Variants in XAB2 observed in about 807,000 individuals in gnomAD.
XAB2 encodes pre-mRNA-splicing factor SYF1.
XAB2 carries 57 observed loss-of-function variants against 113.4 expected under a neutral mutation model. That is an observed-to-expected ratio of 0.50 (90% CI 0.41 to 0.63). The LOEUF is 0.63. XAB2 is among the 20% of genes least tolerant of loss of function. The pLI is 0.00. For synonymous variants in XAB2, 497 were observed against 498.8 expected (o/e 1.00, Z 0.05); for missense variants, 1,037 against 1,233.3 (o/e 0.84, Z 2.38).
At chr19:7,620,111 G>T in intron 16 of XAB2, 36 bp from the exon 17 acceptor site, 1 of 1,604,328 alleles carries the variant, frequency 6.2e-7, no homozygotes, top group East Asian at 2.2e-5. Flanking sequence ...CGCCACGGGG[G>T]CCCCTCCCAC....
Position 7,623,026 on chromosome 19 carries a change from G to A in XAB2, c.1240-133C>T. On this transcript the variant is annotated intron_variant, in intron 9 of 18. Coordinates refer to ENST00000358368, the MANE Select transcript of XAB2 (RefSeq NM_020196.3). The surrounding 1 kb of genome is among the most constrained non-coding windows in gnomAD (Gnocchi z 4.6). Reference sequence around the variant, plus strand: ...CAGGCACACACACAGGCACACACATGCGTGCACATATGCATGCACCCAAAT... The same window carrying A: ...CAGGCACACACACAGGCACACACATACGTGCACATATGCATGCACCCAAAT... 2 of 1,538,578 alleles carry A rather than the reference G, an allele frequency of 1.3e-6. No individual in the cohort carries two copies. Among genetic ancestry groups the A allele is most frequent in the Non-Finnish European group, 1.8e-6 (2 of 1,142,810 alleles).
At position 7,627,660 on chromosome 19, in the gene XAB2, T is replaced by TCCCCCC; in HGVS notation, c.324+67_324+68insGGGGGG. ...CCTAACATGCTGAGCCCAGCCCCTGTCCCCGCCCCACCCACCACCATGGAC... is the reference window on the plus strand; with the variant it reads ...CCTAACATGCTGAGCCCAGCCCCTGTCCCCCCCCCCGCCCCACCCACCACCATGGAC... On this transcript the variant is annotated intron_variant, in intron 3 of 18. Transcript: ENST00000358368. This position sits in a 1 kb window ranked among gnomAD's most constrained non-coding sequence, Gnocchi z 4.5. 1.9e-6 allele frequency: 3 copies of TCCCCCC among 1,572,298 alleles called. No individual in the cohort carries two copies. The highest frequency in any genetic ancestry group is 2.6e-6 in the Non-Finnish European group (3 of 1,148,006).
chr19:7,621,096 C>CCCCCCCCCCCCCCCCCCCCCT, intron 13 of XAB2, 39 bp downstream of exon 13: 2 of 818,938 alleles, frequency 2.4e-6, no homozygotes, highest in Non-Finnish European at 3.5e-6. Context: ...AGAAACCCAG[C>CCCCCCCCCCCCCCCCCCCCCT]CCGCCCGCCA....
chr19:7,623,906 CA>C lies in XAB2; in HGVS notation c.968-25del, dbSNP rs751344525. On this transcript the variant is annotated intron_variant, in intron 7 of 18. Coordinates refer to ENST00000358368, the MANE Select transcript of XAB2 (RefSeq NM_020196.3). This position sits in a 1 kb window ranked among gnomAD's most constrained non-coding sequence, Gnocchi z 4.6. ...ATCTGGGAGCCGCGAACATGTTTGT[CA>C]GGGGCGGAGACCCAGGATGCAGGTC... is the stretch of plus-strand genomic sequence containing the variant. 10 of 1,531,718 alleles carry C rather than the reference CA, an allele frequency of 6.5e-6. No homozygotes were observed. Among genetic ancestry groups the C allele is most frequent in the East Asian group, 2.4e-5 (1 of 41,472 alleles). 94.9% of individuals were successfully genotyped at this position (1,531,718 alleles called of 1,614,324 possible).
chr19:7,622,789 GT>G lies in XAB2; in HGVS notation c.1343del (p.Asn448ThrfsTer37). Reference protein sequence around the residue: ...QCGELELRHENYDEALRLLRK... With the variant: ...QCGELELRHEXYDEALRLLRK... ...GCAGCAGCCGCAAGGCCTCATCGTA[GT>G]TCTCGTGTCGGAGCTCCAGCTCTCC... On this transcript the variant is annotated frameshift_variant, in exon 10 of 19. Transcript: ENST00000358368. LOFTEE classifies it high-confidence loss of function. 2 of 1,614,126 alleles carry G rather than the reference GT, an allele frequency of 1.2e-6. No individual in the cohort carries two copies. Among genetic ancestry groups the G allele is most frequent in the Non-Finnish European group, 1.7e-6 (2 of 1,180,032 alleles).
rs569545527 is a variant in XAB2 at position 7,625,548 on chromosome 19, A to G, written c.822+332T>C. ...GGCTGGACTTCCGTGGCGCGATCGC[A>G]GCTCACGGCAACCTCCACCTCCCAA... On this transcript the variant is annotated intron_variant, in intron 6 of 18. Transcript: ENST00000358368. This position sits in a 1 kb window ranked among gnomAD's most constrained non-coding sequence, Gnocchi z 5.2. 7.1e-6 allele frequency among the ~76,000 whole-genome samples: 1 copy of G among 141,414 alleles called. No homozygotes were observed. The highest frequency in any genetic ancestry group is 2.1e-4 in the East Asian group (1 of 4,834). 92.8% of individuals were successfully genotyped at this position (141,414 alleles called of 152,430 possible).
rs1168488161 is a variant in XAB2 at position 7,623,892 on chromosome 19, G to C, written c.968-10C>G. On this transcript the variant is annotated splice_polypyrimidine_tract_variant and intron_variant, in intron 7 of 18. Coordinates refer to ENST00000358368, the MANE Select transcript of XAB2 (RefSeq NM_020196.3). This position sits in a 1 kb window ranked among gnomAD's most constrained non-coding sequence, Gnocchi z 4.6. ...TCCAGGTCCACATCATCTGGGAGCC[G>C]CGAACATGTTTGTCAGGGGCGGAGA... 2 of 1,554,230 alleles carry C rather than the reference G, an allele frequency of 1.3e-6. No individual in the cohort carries two copies. Among genetic ancestry groups the C allele is most frequent in the Non-Finnish European group, 1.7e-6 (2 of 1,153,660 alleles).
rs962714940 is a variant in XAB2 at position 7,629,446 on chromosome 19, C to T, written c.51+31G>A. The stretch of plus-strand genomic sequence containing the variant: ...GCGTCCAGGTCCCAATGCCCCAACG[C>T]AGGCCACCCCCGGCTCCTCTGTGGA... On this transcript the variant is annotated intron_variant, in intron 1 of 18. Coordinates refer to ENST00000358368, the MANE Select transcript of XAB2 (RefSeq NM_020196.3). 3.2e-6 allele frequency: 5 copies of T among 1,577,660 alleles called. No homozygotes were observed. In the African/African-American group the frequency reaches 4.0e-5, roughly 13 times the overall value.
chr19:7,622,545 G>A lies in XAB2; in HGVS notation c.1488C>T (p.Ser496=). ...VWSMLADLEE[S]LGTFQSTKAV... ...GGCAGCTCACCTGGAAGGTGCCGAG[G>A]CTCTCCTCCAGGTCGGCGAGCATGG... Residue 496 remains serine (S), a synonymous_variant, in exon 11 of 19, where the codon AGC becomes AGT. Transcript: ENST00000358368. The A allele has an allele frequency of 1.9e-6, 3 of 1,613,776 alleles. No homozygotes were observed. The highest frequency in any genetic ancestry group is 2.5e-6 in the Non-Finnish European group (3 of 1,180,030).
At chr19:7,622,683 G>T in intron 10 of XAB2, 22 bp from the exon 11 acceptor site, 2 of 1,611,918 alleles carry the variant, frequency 1.2e-6, no homozygotes, top group Non-Finnish European at 1.7e-6. Context: ...GACAGTGGCC[G>T]GGGAGGCGCT....
chr19:7,620,721 C>A (rs780337849), intron 14 of XAB2, 52 bp from the exon 15 acceptor site: 1 of 1,604,112 alleles, frequency 6.2e-7, no homozygotes, highest in Non-Finnish European at 8.5e-7. Flanking sequence ...AGCTCGGGGG[C>A]TCCCAACACA....
intron 12 of XAB2, chr19:7,621,641 A>G: frequency 2.9e-6 from 1 of 348,284 alleles, no homozygotes; most frequent in South Asian, 4.6e-5. Flanking sequence ...GGCAGGCAGT[A>G]GCACGCGTAT....
intron 9 of XAB2, 64 bp from the exon 10 acceptor site, chr19:7,622,957 G>A: frequency 6.3e-7 from 1 of 1,586,784 alleles, no homozygotes; most frequent in Non-Finnish European, 8.6e-7. Context: ...ACCATCAAGG[G>A]TCAGAAAGGT....
Position 7,628,603 on chromosome 19 carries a change from G to A in XAB2, c.52-305C>T, listed in dbSNP as rs548730465. ...CACCACTCGCTTTCTGCCCCAGATG[G>A]TCAGACTCCTTAGATACCAAGGCCC... On this transcript the variant is annotated intron_variant, in intron 1 of 18. Coordinates refer to ENST00000358368, the MANE Select transcript of XAB2 (RefSeq NM_020196.3). This position sits in a 1 kb window ranked among gnomAD's most constrained non-coding sequence, Gnocchi z 4.6. 6.6e-6 allele frequency among the ~76,000 whole-genome samples: 1 copy of A among 152,138 alleles called. No homozygotes were observed. Among genetic ancestry groups the A allele is most frequent in the Non-Finnish European group, 1.5e-5 (1 of 68,034 alleles).
chr19:7,619,628 C>A lies in XAB2; in HGVS notation c.2526G>T (p.Gln842His). 6.2e-7 allele frequency: 1 copy of A among 1,603,966 alleles called. No individual in the cohort carries two copies. Among genetic ancestry groups the A allele is most frequent in the Non-Finnish European group, 8.5e-7 (1 of 1,174,878 alleles). ...TCCCAAACACTGCGGCTGGCACGCTCTGCTGCTCCAGCCGAACCTCTGTGG... is the reference window on the plus strand; with the variant it reads ...TCCCAAACACTGCGGCTGGCACGCTATGCTGCTCCAGCCGAACCTCTGTGG... ...LEPNEVRLEQ[Q>H]SVPAAVFGSL... The change falls in exon 19 of 19, where the codon CAG becomes CAT. Residue 842 changes from glutamine to histidine, a missense_variant. Gln to His is a conservative substitution (Grantham distance 24, BLOSUM62 0). Coordinates refer to ENST00000358368, the MANE Select transcript of XAB2 (RefSeq NM_020196.3).
Position 7,621,095 on chromosome 19 carries a change from G to GAC in XAB2, c.1780+39_1780+40insGT. Reference sequence around the variant, plus strand: ...TCAGCCGGGGCCAGTCAGAAACCCAGCCCGCCCGCCACCCCCCCCATGCCC... The same window carrying GAC: ...TCAGCCGGGGCCAGTCAGAAACCCAGACCCCGCCCGCCACCCCCCCCATGCCC... On this transcript the variant is annotated intron_variant, in intron 13 of 18. Transcript: ENST00000358368. 6.7e-6 allele frequency: 10 copies of GAC among 1,486,318 alleles called. No homozygotes were observed. In the South Asian group the frequency reaches 7.5e-5, roughly 11 times the overall value. 92.1% of individuals were successfully genotyped at this position (1,486,318 alleles called of 1,614,324 possible). A position where few individuals can be genotyped will look rare whatever the true frequency, so the allele number is the denominator to read the frequency against.
In XAB2 at chr19:7,624,472, G is replaced by T. The variant is rs373759660; in HGVS notation, c.823-27C>A. 5.0e-6 allele frequency: 8 copies of T among 1,613,490 alleles called. No homozygotes were observed. Among genetic ancestry groups the T allele is most frequent in the Non-Finnish European group, 6.8e-6 (8 of 1,179,950 alleles). On this transcript the variant is annotated intron_variant, in intron 6 of 18. Coordinates refer to ENST00000358368, the MANE Select transcript of XAB2 (RefSeq NM_020196.3). This position sits in a 1 kb window ranked among gnomAD's most constrained non-coding sequence, Gnocchi z 4.2. ...TGTGGGGACCCAGGGAAGGGGAGGTGAGAGGAAAGTGGCGCAGGGGACAGG... is the reference window on the plus strand; with the variant it reads ...TGTGGGGACCCAGGGAAGGGGAGGTTAGAGGAAAGTGGCGCAGGGGACAGG...
Position 7,623,713 on chromosome 19 carries a change from G to C in XAB2, c.1119+18C>G. 6.3e-7 allele frequency: 1 copy of C among 1,578,760 alleles called. No individual in the cohort carries two copies. Among genetic ancestry groups the C allele is most frequent in the South Asian group, 1.1e-5 (1 of 87,028 alleles). ...GAAACTGGCCCTCAGGGGTAGGACT[G>C]GGGCAGGCTTCATGTACCTCCCGGG... On this transcript the variant is annotated intron_variant, in intron 8 of 18. Coordinates refer to ENST00000358368, the MANE Select transcript of XAB2 (RefSeq NM_020196.3). This position sits in a 1 kb window ranked among gnomAD's most constrained non-coding sequence, Gnocchi z 4.6.
At position 7,620,823 on chromosome 19, in the gene XAB2, G is replaced by A. The variant is rs752663614; in HGVS notation, c.1971+23C>T. ...GTCTGCTCAGGGACCTCTGGCCCCGGCCCAGCCCCCCACGGTGGGTACCTC... is the reference window on the plus strand; with the variant it reads ...GTCTGCTCAGGGACCTCTGGCCCCGACCCAGCCCCCCACGGTGGGTACCTC... On this transcript the variant is annotated intron_variant, in intron 14 of 18. Transcript: ENST00000358368. 5 of 1,566,454 alleles carry A rather than the reference G, an allele frequency of 3.2e-6. No individual in the cohort carries two copies. The African/African-American group carries it at 4.0e-5, about 13-fold the overall frequency.
Sources: gnomAD v4.1 joint callset for allele counts (sites outside exome capture counted in the v4.1 genomes callset) on GRCh38, gnomAD v4.1.1 for gene constraint, Gnocchi (gnomAD v3.1) non-coding constraint, MANE v1.5 for transcripts, NCBI Gene and HGNC (gene_info 2026-07-23, HGNC 2026-07-21) for gene names.